The following VPS50 variants were observed in gnomAD, a reference collection of about 807,000 sequenced individuals.
VPS50 encodes the protein syndetin.
VPS50 carries 70 observed loss-of-function variants against 139.7 expected under a neutral mutation model. The ratio of observed to expected loss-of-function variants is 0.50; its 90% CI spans 0.41 to 0.61. The LOEUF (loss-of-function observed/expected upper bound fraction) is 0.61, where lower values mean the gene tolerates loss of function less well. VPS50 is among the 20% of genes least tolerant of loss of function. The probability of loss-of-function intolerance (pLI) is 0.00; values close to 1 mark genes in which losing one functional copy is unlikely to be tolerated. For synonymous variants in VPS50, 365 were observed against 376.7 expected (o/e 0.97, Z 0.36); for missense variants, 921 against 1,133.7 (o/e 0.81, Z 2.69).
At chr7:93,279,684 C>G (rs1270818164) in intron 12 of VPS50, among the ~76,000 whole-genome samples, 1 of 152,156 alleles carries the variant, frequency 6.6e-6, no homozygotes, top group Admixed American at 6.5e-5. Context: ...AGGGTGTTGA[C>G]TGACATGAAA....
At chr7:93,286,076 T>G (rs1383476617) in intron 12 of VPS50, among the ~76,000 whole-genome samples, 5 of 152,174 alleles carry the variant, frequency 3.3e-5, no homozygotes, top group Non-Finnish European at 7.4e-5. Context: ...TTCCCCTCAC[T>G]TTACAGTCTT....
chr7:93,252,602 T>C lies in VPS50; in HGVS notation c.103-51T>C, dbSNP rs774458789. On this transcript the variant is annotated intron_variant, in intron 2 of 27. Transcript: ENST00000305866. ...AAATGATCATTTATTTCCATGCAGA[T>C]ATAATTTTAACAGCTACAATTACTA... 8 of 1,230,140 alleles carry C rather than the reference T, an allele frequency of 6.5e-6. No homozygotes were observed. In the South Asian group the frequency reaches 9.0e-5, roughly 14 times the overall value. The allele number at this position is 1,230,140 out of a possible 1,614,324, so 76.2% of individuals were successfully genotyped here. A position where few individuals can be genotyped will look rare whatever the true frequency, so the allele number is the denominator to read the frequency against.
At position 93,245,765 on chromosome 7, in the gene VPS50, T is replaced by A. The variant is rs144253911; in HGVS notation, c.102+5831T>A. On this transcript the variant is annotated intron_variant, in intron 2 of 27. Transcript: ENST00000305866. ...AACAGGGTAGGCTTTAAAAGATAAG[T>A]TTATTTAAAATGCACACAGAAACTG... Among the ~76,000 whole-genome samples, 292 of 151,988 alleles carry A rather than the reference T, an allele frequency of 1.9e-3. 1 individual carries two copies. Among genetic ancestry groups the A allele is most frequent in the South Asian group, 3.3e-3 (16 of 4,832 alleles).
intron 2 of VPS50, among the ~76,000 whole-genome samples, chr7:93,242,743 C>A (rs1320989825): frequency 2.0e-5 from 3 of 151,828 alleles, no homozygotes; most frequent in African/African-American, 7.3e-5. Context: ...TAGTATCTTT[C>A]TAAGTTAGGA....
At chr7:93,258,327 A>G in intron 7 of VPS50, 30 bp from the exon 8 acceptor site, 1 of 1,609,946 alleles carries the variant, frequency 6.2e-7, no homozygotes, top group Non-Finnish European at 8.5e-7. Flanking sequence ...TGGTTGAAAC[A>G]GATTTTACCT....
intron 1 of VPS50, among the ~76,000 whole-genome samples, chr7:93,239,518 G>C (rs1284983920): frequency 6.6e-6 from 1 of 152,122 alleles, no homozygotes; most frequent in Non-Finnish European, 1.5e-5. Flanking sequence ...GATGGATTTA[G>C]TAATTATTAT....
Position 93,342,411 on chromosome 7 carries a change from G to A in VPS50, c.2207+836G>A, listed in dbSNP as rs1302684250. 6.6e-5 allele frequency among the ~76,000 whole-genome samples: 10 copies of A among 152,170 alleles called. No homozygotes were observed. The South Asian group carries it at 1.2e-3, about 19-fold the overall frequency. ...CAGTGACGCTGGGGGAGGGGCACCCGCCATTGCCCAGGCTTGCTTAGGTAA... is the reference window on the plus strand; with the variant it reads ...CAGTGACGCTGGGGGAGGGGCACCCACCATTGCCCAGGCTTGCTTAGGTAA... On this transcript the variant is annotated intron_variant, in intron 23 of 27. Transcript: ENST00000305866.
chr7:93,245,554 A>G (rs1401512892), intron 2 of VPS50, among the ~76,000 whole-genome samples: 2 of 151,892 alleles, frequency 1.3e-5, no homozygotes, highest in Non-Finnish European at 2.9e-5. Context: ...TAGCCCCAGA[A>G]AGGACAGGCA....
chr7:93,343,041 C>T (rs536698277), intron 23 of VPS50, among the ~76,000 whole-genome samples: 40 of 152,082 alleles, frequency 2.6e-4, no homozygotes, highest in South Asian at 8.3e-4. Flanking sequence ...CTCCGAGCTA[C>T]GGGAGGACAT....
chr7:93,311,792 A>G (rs1426970050), intron 20 of VPS50, among the ~76,000 whole-genome samples: 1 of 152,156 alleles, frequency 6.6e-6, no homozygotes, highest in African/African-American at 2.4e-5. Context: ...AATATGAAGA[A>G]ATGATATTTT....
intron 25 of VPS50, among the ~76,000 whole-genome samples, chr7:93,350,877 G>A (rs557948102): frequency 6.6e-6 from 1 of 152,258 alleles, no homozygotes; most frequent in East Asian, 1.9e-4. Flanking sequence ...CAGGAAAAAT[G>A]TGTTTTCATT....
chr7:93,306,038 T>C (rs1396137120), intron 18 of VPS50, 34 bp downstream of exon 18: 1 of 1,525,932 alleles, frequency 6.6e-7, no homozygotes, highest in Non-Finnish European at 9.0e-7. Context: ...AGTGAGTTTT[T>C]TTTATTTAAA....
chr7:93,323,996 T>A (rs1342751228), intron 21 of VPS50, among the ~76,000 whole-genome samples: 1 of 152,170 alleles, frequency 6.6e-6, no homozygotes, highest in Non-Finnish European at 1.5e-5. Flanking sequence ...ATTTTGGCAA[T>A]GAAAAATGTG....
chr7:93,303,726 CT>C (rs1797042675), intron 17 of VPS50, among the ~76,000 whole-genome samples, 176 bp downstream of exon 17: 1 of 151,634 alleles, frequency 6.6e-6, no homozygotes, highest in African/African-American at 2.4e-5. Context: ...AGGAATGATC[CT>C]TTTATGGTTG....
chr7:93,257,717 G>A (rs1006483153), intron 6 of VPS50: 11 of 298,726 alleles, frequency 3.7e-5, no homozygotes, highest in African/African-American at 6.5e-5. Flanking sequence ...ACTGTTTGTC[G>A]TAAAGCACCT....
At chr7:93,257,671 T>G (rs1048444780) in intron 6 of VPS50, 4 of 386,176 alleles carry the variant, frequency 1.0e-5, no homozygotes, top group Non-Finnish European at 1.8e-5. Flanking sequence ...TTTAAAAAAT[T>G]ACTATTTTTA....
intron 9 of VPS50, among the ~76,000 whole-genome samples, chr7:93,265,580 T>C (rs1292232921): frequency 6.6e-6 from 1 of 152,136 alleles, no homozygotes; most frequent in Non-Finnish European, 1.5e-5. Context: ...CTTTCTTTTT[T>C]TGGAGACAGA....
At chr7:93,306,859 G>A (rs956719946) in intron 18 of VPS50, among the ~76,000 whole-genome samples, 4 of 151,736 alleles carry the variant, frequency 2.6e-5, no homozygotes, top group African/African-American at 4.8e-5. Context: ...TTTTATGTTA[G>A]TTTTAGAATT....
chr7:93,276,080 A>C, intron 11 of VPS50, 85 bp from the exon 12 acceptor site: 1 of 1,246,764 alleles, frequency 8.0e-7, no homozygotes, highest in Non-Finnish European at 1.1e-6. Flanking sequence ...ATTTGAAAAG[A>C]TGTTTCCCTG....
Sources: allele counts gnomAD v4.1 joint callset (sites outside exome capture counted in the v4.1 genomes callset), GRCh38; gene constraint gnomAD v4.1.1; transcripts MANE v1.5; gene names NCBI Gene and HGNC (gene_info 2026-07-23, HGNC 2026-07-21).